Variants in ARMCX4 observed in about 807,000 individuals in gnomAD.
ARMCX4 encodes the protein armadillo repeat-containing X-linked protein 4.
ARMCX4 carries 3 observed loss-of-function variants against 34.7 expected under a neutral mutation model. The ratio of observed to expected loss-of-function variants is 0.09; its 90% CI spans 0.04 to 0.22. ARMCX4 has a LOEUF of 0.22. Ranked by LOEUF, ARMCX4 falls within the 10% of genes least tolerant of loss-of-function variation. The pLI is 1.00. For synonymous variants in ARMCX4, 513 were observed against 632.8 expected (o/e 0.81, Z 2.84); for missense variants, 1,448 against 1,720.8 (o/e 0.84, Z 2.81).
At chrX:101,451,131 A>G (rs1931953753), downstream of ARMCX4, among the ~76,000 whole-genome samples, 1 of 111,267 alleles carries the variant, frequency 9.0e-6, no homozygotes, top group Non-Finnish European at 1.9e-5. Context: ...CAGCACTAGG[A>G]CATGCCTAGG....
At chrX:101,484,616 T>C (rs1556006062), upstream of ARMCX4, among the ~76,000 whole-genome samples, 1 of 112,295 alleles carries the variant, frequency 8.9e-6, no homozygotes, top group Non-Finnish European at 1.9e-5. Flanking sequence ...AAATCACCTG[T>C]GTAAAATTGT....
At chrX:101,418,370 G>C (rs61732101) in exon 1 of ARMCX4, 1 of 112,221 alleles carries the variant, frequency 8.9e-6, no homozygotes, top group Admixed American at 9.4e-5. Flanking sequence ...AATGACGGAA[G>C]GTGGCGAGGG....
chrX:101,527,132 C>T (rs1289580060), intron 11 of ARMCX4, among the ~76,000 whole-genome samples: 3 of 112,259 alleles, frequency 2.7e-5, no homozygotes, highest in African/African-American at 9.7e-5. Context: ...AACAAGCTGT[C>T]TCTCAGATCA....
chrX:101,487,553 C>A, intron 3 of ARMCX4, 55 bp from the exon 4 acceptor site: 1 of 667,662 alleles, frequency 1.5e-6, no homozygotes, highest in South Asian at 2.5e-5. Context: ...GGTTGCTTGT[C>A]TGTTCTACCA....
chrX:101,531,083 A>G (rs2147728840), intron 11 of ARMCX4, among the ~76,000 whole-genome samples: 1 of 111,653 alleles, frequency 9.0e-6, no homozygotes, highest in South Asian at 3.8e-4. Context: ...CTAGTGGAGA[A>G]TCTATTTCCT....
At chrX:101,500,257 T>G (rs1934266977), downstream of ARMCX4, among the ~76,000 whole-genome samples, 1 of 110,907 alleles carries the variant, frequency 9.0e-6, no homozygotes, top group Non-Finnish European at 1.9e-5. Flanking sequence ...AGTGGTTATG[T>G]TTTTGATCTC....
intron 11 of ARMCX4, among the ~76,000 whole-genome samples, chrX:101,517,865 G>T (rs782494939): frequency 7.2e-5 from 8 of 110,710 alleles, no homozygotes; most frequent in Non-Finnish European, 1.5e-4. Context: ...AACAAACAAA[G>T]AAATAATAGA....
chrX:101,517,878 G>T (rs1934775986), intron 11 of ARMCX4, among the ~76,000 whole-genome samples: 1 of 110,844 alleles, frequency 9.0e-6, no homozygotes, highest in East Asian at 2.8e-4. Context: ...ATAATAGAAA[G>T]AAATTTCCTG....
rs782063090 is a variant in ARMCX4, at chrX:101,474,577, T to C, written c.-472-11446T>C. 3.4e-3 allele frequency among the ~76,000 whole-genome samples: 342 copies of C among 101,687 alleles called. 2 individuals carry two copies. The highest frequency in any genetic ancestry group is 0.012 in the African/African-American group (330 of 27,673). 88.3% of individuals were successfully genotyped at this position (101,687 alleles called of 115,157 possible). On this transcript the variant is annotated intron_variant and NMD_transcript_variant, in intron 4 of 15. Transcript: ENST00000433011. ...AATCCTCAATAAAATACTGGCAAAC[T>C]GAATCCAGCAGCACATCAAAAAGCT...
intron 2 of ARMCX4, among the ~76,000 whole-genome samples, chrX:101,442,966 A>G (rs1305280186): frequency 1.8e-5 from 2 of 109,306 alleles, no homozygotes; most frequent in Non-Finnish European, 3.8e-5. Context: ...CTCTGTCTCT[A>G]TTAAAATACA....
rs1556010049 is a variant in ARMCX4, at chrX:101,492,831, G to T, written c.4242G>T (p.Lys1414Asn). 2.6e-6 allele frequency: 3 copies of T among 1,154,049 alleles called. No homozygotes were observed. The African/African-American group carries it at 5.4e-5, about 21-fold the overall frequency. The stretch of plus-strand genomic sequence containing the variant: ...GTGGCCAGGCTGGTGGAGGGTCCAA[G>T]GTGGGGCCTGAAGACCAGTCCAGTG... ...GAGGQAGGGS[K>N]VGPEDQSSGR... Residue 1414 changes from lysine (K) to asparagine (N), a missense_variant, in exon 6 of 6, where the codon AAG becomes AAT. This residue lies in a region of ARMCX4 where 1,343 missense variants were observed against 1,540.7 expected (regional missense o/e 0.87). Coordinates refer to ENST00000423738, the MANE Select transcript of ARMCX4 (RefSeq NM_001256155.3).
chrX:101,482,363 A>T (rs1933488861), upstream of ARMCX4, among the ~76,000 whole-genome samples: 1 of 107,630 alleles, frequency 9.3e-6, no homozygotes, highest in South Asian at 4.3e-4. Context: ...TGAAAGTGGT[A>T]CTAGTGCTTT....
intron 2 of ARMCX4, chrX:101,443,838 A>G (rs1422708115): frequency 8.4e-6 from 3 of 358,636 alleles, no homozygotes; most frequent in Admixed American, 2.8e-5. Flanking sequence ...GTGCAGATGA[A>G]AAACTAGGAA....
chrX:101,468,621 C>CT (rs1277114859), intron 4 of ARMCX4, among the ~76,000 whole-genome samples: 14 of 104,395 alleles, frequency 1.3e-4, no homozygotes, highest in South Asian at 4.2e-4. Flanking sequence ...CTTTTCTTTT[C>CT]TTTTTTTTTT....
rs1569346524 is a variant in ARMCX4, at chrX:101,515,371, C to CTTTCTTTCTTTCTTTCTTTCTTTCTT, written c.*1780+4327_*1780+4328insCTTTCTTTCTTTCTTTTTCTTTCTTT. On this transcript the variant is annotated intron_variant and NMD_transcript_variant, in intron 11 of 12. Coordinates refer to the ARMCX4 transcript ENST00000354842. ...TCTTTCTTTCTTTCTTTCTTTCTTT[C>CTTTCTTTCTTTCTTTCTTTCTTTCTT]TTTCTTTCTTTTTCTTTCTTTCCCT... Among the ~76,000 whole-genome samples the CTTTCTTTCTTTCTTTCTTTCTTTCTT allele has an allele frequency of 4.8e-4, 28 of 58,657 alleles. 5 individuals are homozygous for CTTTCTTTCTTTCTTTCTTTCTTTCTT. Among genetic ancestry groups the CTTTCTTTCTTTCTTTCTTTCTTTCTT allele is most frequent in the African/African-American group, 1.9e-3 (28 of 14,547 alleles). The allele number at this position is 58,657 out of a possible 115,157, so 50.9% of individuals were successfully genotyped here.
chrX:101,473,007 A>G (rs1410587218), intron 4 of ARMCX4, among the ~76,000 whole-genome samples: 3 of 110,082 alleles, frequency 2.7e-5, no homozygotes, highest in Non-Finnish European at 5.7e-5. Flanking sequence ...AAAGACACAG[A>G]CTGGCAAATT....
At chrX:101,454,049 C>G (rs1479916247) in intron 4 of ARMCX4, among the ~76,000 whole-genome samples, 2 of 110,603 alleles carry the variant, frequency 1.8e-5, no homozygotes, top group Non-Finnish European at 3.8e-5. Context: ...GAGGGGAAGA[C>G]TGATGAGTAA....
chrX:101,483,711 A>G (rs1234112763), upstream of ARMCX4, among the ~76,000 whole-genome samples: 1 of 110,959 alleles, frequency 9.0e-6, no homozygotes, highest in Non-Finnish European at 1.9e-5. Context: ...TACTTTACCA[A>G]AGTTTAAAAT....
chrX:101,489,072 A>C lies in ARMCX4; in HGVS notation c.483A>C (p.Lys161Asn). 8.6e-7 allele frequency: 1 copy of C among 1,156,463 alleles called. No individual in the cohort carries two copies. Among genetic ancestry groups the C allele is most frequent in the Non-Finnish European group, 1.1e-6 (1 of 873,149 alleles). ...CTGAGGCTGGCAAAATAGTTAAGAA[A>C]GAAGCAGTGACACAGACCAAGGCTA... ...TDAEAGKIVK[K>N]EAVTQTKAKA... Residue 161 changes from lysine to asparagine, a missense_variant, in exon 6 of 6, where the codon AAA becomes AAC. This residue lies in a region of ARMCX4 where 1,343 missense variants were observed against 1,540.7 expected (regional missense o/e 0.87). Transcript: ENST00000423738.
Sources: gnomAD v4.1 joint callset for allele counts (sites outside exome capture counted in the v4.1 genomes callset) on GRCh38, gnomAD v4.1.1 for gene constraint, gnomAD v4.1.1 regional missense constraint, MANE v1.5 for transcripts, NCBI Gene and HGNC (gene_info 2026-07-23, HGNC 2026-07-21) for gene names.